Variants in ALDH5A1 observed in about 807,000 individuals in gnomAD.
ALDH5A1 encodes the protein succinate-semialdehyde dehydrogenase, mitochondrial.
A neutral mutation model predicts 54.7 loss-of-function variants in ALDH5A1; 33 were observed. The observed-to-expected ratio is 0.60, with a 90% CI of 0.46 to 0.81. The LOEUF is 0.81. Ranked by LOEUF, ALDH5A1 falls within the 30% of genes least tolerant of loss-of-function variation. The pLI, the probability that ALDH5A1 is intolerant of heterozygous loss-of-function variation, is 0.00. For missense variants in ALDH5A1, 657 were observed against 711.0 expected, an observed-to-expected ratio of 0.92 and a Z score of 0.86; for synonymous variants, 294 against 292.7, an observed-to-expected ratio of 1.00 and a Z score of -0.05.
At chr6:24,522,501 G>GTGTGTA (rs1554137632) in intron 6 of ALDH5A1, 106 of 361,452 alleles carry the variant, frequency 2.9e-4, no homozygotes, top group South Asian at 9.2e-4. Flanking sequence ...GTGTGTGTGT[G>GTGTGTA]TGTACAGGTG....
intron 4 of ALDH5A1, among the ~76,000 whole-genome samples, chr6:24,508,380 A>T (rs1447289799): frequency 1.9e-5 from 1 of 51,680 alleles, no homozygotes; most frequent in African/African-American, 6.0e-5. Flanking sequence ...AAAAAAAAAA[A>T]AAAAAAAAGA....
intron 4 of ALDH5A1, among the ~76,000 whole-genome samples, chr6:24,506,408 A>C (rs904290508): frequency 6.6e-6 from 1 of 151,534 alleles, no homozygotes; most frequent in East Asian, 1.9e-4. Flanking sequence ...GCCCGTCACC[A>C]CACCCAGCTA....
intron 3 of ALDH5A1, among the ~76,000 whole-genome samples, chr6:24,503,750 A>T (rs559746156): frequency 4.6e-5 from 7 of 152,332 alleles, no homozygotes; most frequent in Admixed American, 2.0e-4. Flanking sequence ...AAGATCTTCC[A>T]GTATTTATCA....
At chr6:24,526,716 G>A (rs1759803242) in intron 7 of ALDH5A1, among the ~76,000 whole-genome samples, 1 of 151,006 alleles carries the variant, frequency 6.6e-6, no homozygotes, top group South Asian at 2.1e-4. Context: ...AATGGAGGAA[G>A]TGACATTACC....
chr6:24,509,850 GTTT>G lies in ALDH5A1; in HGVS notation c.726+4866_726+4868del, dbSNP rs2127384366. Among the ~76,000 whole-genome samples, 1 of 151,964 alleles carries G rather than the reference GTTT, an allele frequency of 6.6e-6. No individual in the cohort carries two copies. The highest frequency in any genetic ancestry group is 2.4e-5 in the African/African-American group (1 of 41,470). ...ATTTCCTTTCTTCTGCTGGGTTTGG[GTTT>G]GGTTTGTTCTTGTTTCTCTAGTTCT... On this transcript the variant is annotated intron_variant, in intron 4 of 9. Transcript: ENST00000357578. This position sits in a 1 kb window ranked among gnomAD's most constrained non-coding sequence, Gnocchi z 4.7.
rs549184802 is a variant in ALDH5A1, at chr6:24,534,767, G to A, written c.*1055G>A. On this transcript the variant is annotated 3_prime_UTR_variant, in exon 10 of 10. Transcript: ENST00000357578. ...CACTTGCCCACCGACCTGAGCCTGA[G>A]TAAGTGGCTGTCACCTGAGCCTGTT... The A allele has an allele frequency of 6.6e-6, 1 of 152,394 alleles. No homozygotes were observed. Among genetic ancestry groups the A allele is most frequent in the African/African-American group, 2.4e-5 (1 of 41,538 alleles). 9.4% of individuals were successfully genotyped at this position (152,394 alleles called of 1,614,324 possible). A position where few individuals can be genotyped will look rare whatever the true frequency, so the allele number is the denominator to read the frequency against.
intron 7 of ALDH5A1, among the ~76,000 whole-genome samples, chr6:24,527,369 C>T (rs997782422): frequency 6.6e-6 from 1 of 151,968 alleles, no homozygotes; most frequent in African/African-American, 2.4e-5. Context: ...GTCAGGAGTT[C>T]GAGACCAGCC....
At chr6:24,506,086 G>GCC in intron 4 of ALDH5A1, among the ~76,000 whole-genome samples, 1 of 151,842 alleles carries the variant, frequency 6.6e-6, no homozygotes, top group Non-Finnish European at 1.5e-5. Flanking sequence ...TTTTCAGTGG[G>GCC]CAGGGCTAGG....
chr6:24,519,734 AT>A (rs1265742589), intron 5 of ALDH5A1, among the ~76,000 whole-genome samples: 2 of 150,162 alleles, frequency 1.3e-5, no homozygotes, highest in East Asian at 3.9e-4. Context: ...AAACGGTATA[AT>A]TATATAATTA....
At position 24,495,063 on chromosome 6, in the gene ALDH5A1, C is replaced by T; in HGVS notation, c.67C>T (p.Arg23Cys). The T allele has an allele frequency of 1.5e-6, 2 of 1,339,832 alleles. No individual in the cohort carries two copies. Among genetic ancestry groups the T allele is most frequent in the Non-Finnish European group, 1.9e-6 (2 of 1,047,386 alleles). 83.0% of individuals were successfully genotyped at this position (1,339,832 alleles called of 1,614,324 possible). ...RRLGSTFPGC[R>C]LRPRAGGLVP... is the part of the protein sequence containing the mutation. ...CCTCGGGTCGACGTTTCCAGGCTGC[C>T]GCCTCCGCCCCCGCGCCGGCGGCCT... Residue 23 changes from arginine (R) to cysteine (C), a missense_variant, in exon 1 of 10, where the codon CGC becomes TGC. Coordinates refer to ENST00000357578, the MANE Select transcript of ALDH5A1 (RefSeq NM_001080.3).
chr6:24,524,899 T>G (rs1165127426), intron 7 of ALDH5A1, among the ~76,000 whole-genome samples: 2 of 152,202 alleles, frequency 1.3e-5, no homozygotes, highest in African/African-American at 2.4e-5. Flanking sequence ...CATTGGCATT[T>G]TCTAAGTGCC....
intron 1 of ALDH5A1, among the ~76,000 whole-genome samples, chr6:24,500,551 G>C (rs2127381487): frequency 6.6e-6 from 1 of 152,144 alleles, no homozygotes; most frequent in East Asian, 1.9e-4. Flanking sequence ...GGAGGCCAAG[G>C]CAGGAGGATC....
intron 7 of ALDH5A1, 112 bp downstream of exon 7, chr6:24,523,037 CAG>C: frequency 3.4e-6 from 3 of 892,576 alleles, no homozygotes; most frequent in South Asian, 1.6e-5. Context: ...GGTGGGTTGA[CAG>C]AATATTACAG....
chr6:24,499,442 T>G (rs936164053), intron 1 of ALDH5A1, among the ~76,000 whole-genome samples: 1 of 149,956 alleles, frequency 6.7e-6, no homozygotes, highest in African/African-American at 2.5e-5. Context: ...TTTTAAGTGG[T>G]TTTATGTGAA....
chr6:24,520,607 G>A (rs1464943054), intron 6 of ALDH5A1, 63 bp downstream of exon 6: 4 of 1,594,680 alleles, frequency 2.5e-6, no homozygotes, highest in Admixed American at 1.7e-5. Context: ...GTGTGTATGT[G>A]TGTGTGTGTG....
intron 1 of ALDH5A1, among the ~76,000 whole-genome samples, chr6:24,501,906 TGTGTGTGG>T (rs1764826998): frequency 6.8e-6 from 1 of 146,052 alleles, no homozygotes; most frequent in Non-Finnish European, 1.5e-5. Flanking sequence ...TGTGTGTGTG[TGTGTGTGG>T]GTGTATATAT....
At chr6:24,510,829 C>T (rs145500251) in intron 4 of ALDH5A1, among the ~76,000 whole-genome samples, 102 of 152,312 alleles carry the variant, frequency 6.7e-4, no homozygotes, top group Middle Eastern at 3.4e-3. Flanking sequence ...ATGTGAGGTA[C>T]TATTCCAGTC....
chr6:24,527,343 G>A (rs572364055), intron 7 of ALDH5A1, among the ~76,000 whole-genome samples: 61 of 152,210 alleles, frequency 4.0e-4, no homozygotes, highest in African/African-American at 1.5e-3. Flanking sequence ...GGAGGCCAAG[G>A]CGGGTGAATC....
chr6:24,513,841 G>A (rs1223919642), intron 4 of ALDH5A1, among the ~76,000 whole-genome samples: 2 of 152,196 alleles, frequency 1.3e-5, no homozygotes, highest in Non-Finnish European at 2.9e-5. Context: ...CACAGGTGCT[G>A]ATATGACGGT....
Sources: gnomAD v4.1 joint callset for allele counts (sites outside exome capture counted in the v4.1 genomes callset) on GRCh38, gnomAD v4.1.1 for gene constraint, Gnocchi (gnomAD v3.1) non-coding constraint, MANE v1.5 for transcripts, NCBI Gene and HGNC (gene_info 2026-07-23, HGNC 2026-07-21) for gene names.